Variants in KIAA0825 observed in about 807,000 individuals in gnomAD.
The protein encoded by KIAA0825 is KIAA0825, also known as uncharacterized protein KIAA0825.
Under a neutral mutation model 147.6 loss-of-function variants are expected in KIAA0825, and 119 were observed. The ratio of observed to expected loss-of-function variants is 0.81; its 90% confidence interval spans 0.69 to 0.94. The LOEUF is 0.94. Among genes scored for constraint, KIAA0825 ranks in the 40% least tolerant of loss-of-function variants. KIAA0825 has a pLI of 0.00. For synonymous variants in KIAA0825, 470 were observed against 518.1 expected (o/e 0.91, Z 1.26); for missense variants, 1,381 against 1,472.7 (o/e 0.94, Z 1.02).
intron 1 of KIAA0825, among the ~76,000 whole-genome samples, chr5:94,603,211 A>G (rs1046989453): frequency 6.6e-6 from 1 of 152,168 alleles, no homozygotes; most frequent in African/African-American, 2.4e-5. Context: ...AGCCCATGAA[A>G]CTAATAGTGA....
At position 94,192,719 on chromosome 5, in the gene KIAA0825, A is replaced by G. The variant is rs146820237; in HGVS notation, c.3711-38595T>C. Among the ~76,000 whole-genome samples the G allele has an allele frequency of 5.9e-5, 9 of 152,264 alleles. No individual in the cohort carries two copies. The East Asian group carries it at 1.7e-3, about 29-fold the overall frequency. On this transcript the variant is annotated intron_variant, in intron 20 of 20. Transcript: ENST00000682413. Reference sequence around the variant, plus strand: ...GCCATCCACCCTGTAGGCATTAGTGAAGAAATGATAGCTCTGGACAAACAC... The same window carrying G: ...GCCATCCACCCTGTAGGCATTAGTGGAGAAATGATAGCTCTGGACAAACAC...
Position 94,154,094 on chromosome 5 carries a change from T to C in KIAA0825, c.3741A>G (p.Glu1247=), listed in dbSNP as rs1420912161. Residue 1247 remains glutamate (E), a synonymous_variant, in exon 21 of 21, where the codon GAA becomes GAG. Transcript: ENST00000682413. The part of the protein sequence containing the change: ...RWEMKKDETL[E]EEEKAILEHL... ...GCTCCAGTATTGCTTTTTCTTCCTC[T>C]TCTAGTGTTTCATCCTTCTTCATTT... 9 of 1,551,420 alleles carry C rather than the reference T, an allele frequency of 5.8e-6. No individual in the cohort carries two copies. In the African/African-American group the frequency reaches 1.1e-4, roughly 19 times the overall value.
rs116129183 is a variant in KIAA0825, at chr5:94,321,465, A to G, written c.3710+62903T>C. Among the ~76,000 whole-genome samples, 317 of 152,132 alleles carry G rather than the reference A, an allele frequency of 2.1e-3. 2 individuals carry two copies. Among genetic ancestry groups the G allele is most frequent in the African/African-American group, 7.5e-3 (310 of 41,546 alleles). On this transcript the variant is annotated intron_variant, in intron 20 of 20. Transcript: ENST00000682413. ...CTTACAAAGTAACTCCATTTTACAT[A>G]TAAGAAAAGTGAGGCACTGAAAGGT...
chr5:94,521,760 T>C (rs1344700332), intron 4 of KIAA0825, among the ~76,000 whole-genome samples: 3 of 151,782 alleles, frequency 2.0e-5, no homozygotes, highest in South Asian at 4.1e-4. Flanking sequence ...TCTGCTTCCA[T>C]GCTGACTTTC....
At chr5:94,573,701 C>T (rs141564749) in intron 2 of KIAA0825, among the ~76,000 whole-genome samples, 1,843 of 152,302 alleles carry the variant, frequency 0.012, 36 homozygotes, top group African/African-American at 0.042. Context: ...AGAAAAAGAT[C>T]TAGCTATGTT....
At chr5:94,205,299 A>ATATATATATATATAT (rs1254935243) in intron 20 of KIAA0825, among the ~76,000 whole-genome samples, 1 of 137,912 alleles carries the variant, frequency 7.3e-6, no homozygotes, top group African/African-American at 2.8e-5. Context: ...ATATATATAT[A>ATATATATATATATAT]TTTTGTTTTG....
intron 3 of KIAA0825, among the ~76,000 whole-genome samples, chr5:94,534,265 T>C (rs758024363): frequency 1.3e-5 from 2 of 152,220 alleles, no homozygotes; most frequent in African/African-American, 2.4e-5. Flanking sequence ...CATACAATTT[T>C]CTAAAAGCTA....
At chr5:94,159,926 G>C (rs6556841) in intron 20 of KIAA0825, among the ~76,000 whole-genome samples, 145,269 of 152,312 alleles carry the variant, frequency 0.95, 69,315 homozygotes, top group East Asian at 1. Context: ...GTTAATTGTA[G>C]TGTTAAACAA....
intron 20 of KIAA0825, among the ~76,000 whole-genome samples, chr5:94,299,726 T>A (rs1433422370): frequency 6.6e-6 from 1 of 152,128 alleles, no homozygotes; most frequent in African/African-American, 2.4e-5. Context: ...TAAATGGCTT[T>A]TGGGAGCTTA....
intron 20 of KIAA0825, among the ~76,000 whole-genome samples, chr5:94,197,395 AT>A (rs1771235249): frequency 6.6e-6 from 1 of 151,852 alleles, no homozygotes; most frequent in African/African-American, 2.4e-5. Flanking sequence ...GTTTGGAAAT[AT>A]TTTCTCCTAT....
At chr5:94,455,180 T>A (rs1316431856) in intron 12 of KIAA0825, among the ~76,000 whole-genome samples, 1 of 151,870 alleles carries the variant, frequency 6.6e-6, no homozygotes, top group Non-Finnish European at 1.5e-5. Flanking sequence ...GAATTCACAC[T>A]ACCCCCCAAC....
intron 6 of KIAA0825, among the ~76,000 whole-genome samples, chr5:94,480,386 G>A (rs1188782010): frequency 2.0e-5 from 3 of 152,006 alleles, no homozygotes; most frequent in Non-Finnish European, 2.9e-5. Context: ...CTATTTAAAA[G>A]TTTTCAGTTT....
At chr5:94,532,150 A>G (rs1462473814) in intron 3 of KIAA0825, among the ~76,000 whole-genome samples, 1 of 152,118 alleles carries the variant, frequency 6.6e-6, no homozygotes, top group East Asian at 1.9e-4. Context: ...TATTGCTGGT[A>G]GCAATTCTTA....
intron 1 of KIAA0825, among the ~76,000 whole-genome samples, chr5:94,587,402 G>A (rs1783511202): frequency 6.6e-6 from 1 of 152,044 alleles, no homozygotes. Flanking sequence ...ACCAAGAACA[G>A]ACAAACAGAG....
chr5:94,526,380 G>A (rs1229389498), intron 3 of KIAA0825, among the ~76,000 whole-genome samples: 1 of 151,920 alleles, frequency 6.6e-6, no homozygotes, highest in Non-Finnish European at 1.5e-5. Context: ...TACACAGAGA[G>A]CTTTAGCTAT....
chr5:94,313,274 C>G (rs1721349500), intron 20 of KIAA0825, among the ~76,000 whole-genome samples: 1 of 151,576 alleles, frequency 6.6e-6, no homozygotes, highest in South Asian at 2.1e-4. Context: ...AGAGTCCAAT[C>G]CAACTGCTTT....
chr5:94,477,966 T>C (rs927696641), intron 6 of KIAA0825, among the ~76,000 whole-genome samples: 7 of 152,182 alleles, frequency 4.6e-5, no homozygotes, highest in African/African-American at 1.7e-4. Context: ...TTAGACATGG[T>C]GTATGATGAT....
intron 20 of KIAA0825, among the ~76,000 whole-genome samples, chr5:94,261,615 A>G (rs1050340645): frequency 6.6e-6 from 1 of 152,160 alleles, no homozygotes; most frequent in African/African-American, 2.4e-5. Context: ...GTAATTATAA[A>G]TAAATAAAAT....
At chr5:94,466,596 G>C (rs1363358628) in intron 10 of KIAA0825, among the ~76,000 whole-genome samples, 1 of 151,776 alleles carries the variant, frequency 6.6e-6, no homozygotes, top group African/African-American at 2.4e-5. Context: ...AATTAGCTGG[G>C]CGTGGTGGCA....
Sources: allele counts gnomAD v4.1 joint callset (sites outside exome capture counted in the v4.1 genomes callset), GRCh38; gene constraint gnomAD v4.1.1; transcripts MANE v1.5; gene names NCBI Gene and HGNC (gene_info 2026-07-23, HGNC 2026-07-21).